The following BMAL1 variants were observed in gnomAD, a reference collection of about 807,000 sequenced individuals.
BMAL1 encodes the protein basic helix-loop-helix ARNT-like protein 1.
At chr11:13,323,411 A>G in the BMAL1 span, among the ~76,000 whole-genome samples, 1 of 152,192 alleles carries the variant, frequency 6.6e-6, no homozygotes, top group Non-Finnish European at 1.5e-5. Context: ...ACCTAACATA[A>G]CTAAACAGAA....
the BMAL1 span, among the ~76,000 whole-genome samples, chr11:13,360,791 G>A: frequency 2.6e-5 from 4 of 152,130 alleles, no homozygotes; most frequent in African/African-American, 9.7e-5. Flanking sequence ...TTAACCACTA[G>A]CACAAAAAAG....
chr11:13,329,263 C>T, the BMAL1 span, among the ~76,000 whole-genome samples: 3 of 152,278 alleles, frequency 2.0e-5, no homozygotes, highest in Admixed American at 6.5e-5. Context: ...GTGACCCCCC[C>T]GGTCCCAAGT....
At chr11:13,301,820 T>C in the BMAL1 span, among the ~76,000 whole-genome samples, 3 of 152,192 alleles carry the variant, frequency 2.0e-5, no homozygotes, top group African/African-American at 7.2e-5. Flanking sequence ...ATGAACCAAA[T>C]GAGGTACTGT....
the BMAL1 span, among the ~76,000 whole-genome samples, chr11:13,295,458 G>A: frequency 1.3e-5 from 2 of 152,172 alleles, no homozygotes; most frequent in Admixed American, 6.5e-5. Context: ...AGTTGGGATA[G>A]GAACCTATGT....
At chr11:13,326,166 C>G in the BMAL1 span, among the ~76,000 whole-genome samples, 1 of 151,158 alleles carries the variant, frequency 6.6e-6, no homozygotes, top group Non-Finnish European at 1.5e-5. Flanking sequence ...ATCATGCCAC[C>G]GCACTCCAGC....
At chr11:13,313,051 G>A in the BMAL1 span, among the ~76,000 whole-genome samples, 31 of 152,184 alleles carry the variant, frequency 2.0e-4, no homozygotes, top group Non-Finnish European at 7.4e-5. Flanking sequence ...AATTCCTCTT[G>A]GGGTGACTAC....
At chr11:13,357,063 A>G in the BMAL1 span, 5 of 1,614,242 alleles carry the variant, frequency 3.1e-6, no homozygotes, top group Non-Finnish European at 4.2e-6. The surrounding 1 kb of genome is among the most constrained non-coding windows in gnomAD (Gnocchi z 4.8). Context: ...AGGTTAGAAT[A>G]TACAGAACAC....
chr11:13,327,452 C>G, the BMAL1 span, among the ~76,000 whole-genome samples: 2 of 152,064 alleles, frequency 1.3e-5, no homozygotes, highest in African/African-American at 4.8e-5. Context: ...TCCTGTTGCT[C>G]CCAAGTTCAC....
At chr11:13,343,348 T>C in the BMAL1 span, among the ~76,000 whole-genome samples, 1 of 152,242 alleles carries the variant, frequency 6.6e-6, no homozygotes, top group Non-Finnish European at 1.5e-5. Flanking sequence ...TGATGGTTCC[T>C]GGGACTCCAA....
the BMAL1 span, among the ~76,000 whole-genome samples, chr11:13,354,121 A>G: frequency 1.3e-5 from 2 of 152,174 alleles, no homozygotes; most frequent in African/African-American, 4.8e-5. Flanking sequence ...TTTCCATTCT[A>G]TCACATGCCT....
chr11:13,293,237 A>G, the BMAL1 span, among the ~76,000 whole-genome samples: 3 of 152,234 alleles, frequency 2.0e-5, no homozygotes, highest in Non-Finnish European at 4.4e-5. Context: ...TGAATTACTC[A>G]GAAGACATTA....
chr11:13,365,282 A>AACACACATACAC, the BMAL1 span: 1 of 181,120 alleles, frequency 5.5e-6, no homozygotes, highest in African/African-American at 2.5e-5. Flanking sequence ...GATATGCAGA[A>AACACACATACAC]ACACACACAC....
At chr11:13,326,965 G>A in the BMAL1 span, among the ~76,000 whole-genome samples, 17 of 152,000 alleles carry the variant, frequency 1.1e-4, no homozygotes, top group Admixed American at 6.5e-4. Context: ...GACTACAGGC[G>A]CCCGCCACCA....
the BMAL1 span, among the ~76,000 whole-genome samples, chr11:13,325,522 T>A: frequency 6.6e-6 from 1 of 151,898 alleles, no homozygotes; most frequent in African/African-American, 2.4e-5. Flanking sequence ...ATAACTGGGG[T>A]TCCAGCATCT....
chr11:13,351,444 C>T, the BMAL1 span, among the ~76,000 whole-genome samples: 5 of 152,096 alleles, frequency 3.3e-5, no homozygotes, highest in East Asian at 1.9e-4. Flanking sequence ...CAAGTGAGGA[C>T]GTCAGGGAGG....
At chr11:13,385,729 T>A in the BMAL1 span, 1 of 1,613,816 alleles carries the variant, frequency 6.2e-7, no homozygotes, top group Middle Eastern at 1.7e-4. Context: ...TCCAGTGGCC[T>A]ACTATCAGGC....
At chr11:13,353,246 A>G in the BMAL1 span, 2 of 154,606 alleles carry the variant, frequency 1.3e-5, no homozygotes, top group Non-Finnish European at 2.9e-5. Context: ...CTGTCACCCC[A>G]TTGGTCGCCA....
chr11:13,361,104 A>T, the BMAL1 span, among the ~76,000 whole-genome samples: 577 of 152,320 alleles, frequency 3.8e-3, 1 homozygote, highest in African/African-American at 0.013. Context: ...ACTCTGTCTC[A>T]AAAAACAAAC....
the BMAL1 span, chr11:13,386,543 C>T: frequency 6.8e-7 from 1 of 1,472,076 alleles, no homozygotes; most frequent in Non-Finnish European, 9.1e-7. Flanking sequence ...CTTACTTAAT[C>T]TGAAGATGCT....
Sources: allele counts gnomAD v4.1 joint callset (sites outside exome capture counted in the v4.1 genomes callset), GRCh38; gene constraint gnomAD v4.1.1; non-coding constraint Gnocchi (gnomAD v3.1); transcripts MANE v1.5; gene names NCBI Gene and HGNC (gene_info 2026-07-23, HGNC 2026-07-21).